ZSWIM4: variants seen among roughly 807,000 people sequenced by gnomAD.
ZSWIM4 encodes zinc finger SWIM domain-containing protein 4.
Under a neutral mutation model 102.5 loss-of-function variants are expected in ZSWIM4, and 62 were observed. The observed-to-expected ratio is 0.60, with a 90% CI of 0.49 to 0.75. ZSWIM4 has a LOEUF of 0.75. ZSWIM4 is among the 30% of genes least tolerant of loss of function. ZSWIM4 has a pLI of 0.00. For synonymous variants in ZSWIM4, 652 were observed against 674.5 expected, an observed-to-expected ratio of 0.97 and a Z score of 0.52; for missense variants, 1,280 against 1,529.6, an observed-to-expected ratio of 0.84 and a Z score of 2.72.
intron 5 of ZSWIM4, among the ~76,000 whole-genome samples, chr19:13,812,478 A>G (rs1256864367): frequency 3.7e-5 from 4 of 107,658 alleles, no homozygotes; most frequent in East Asian, 2.6e-4. Context: ...TTTTTTTTTG[A>G]GATGGAGTTT....
chr19:13,796,143 C>T (rs1384171608), intron 1 of ZSWIM4, among the ~76,000 whole-genome samples: 2 of 151,172 alleles, frequency 1.3e-5, no homozygotes, highest in African/African-American at 2.4e-5. Flanking sequence ...TCTTTTCCCG[C>T]CTTATCCCCC....
At chr19:13,828,304 G>A (rs1975665032) in intron 12 of ZSWIM4, among the ~76,000 whole-genome samples, 2 of 151,970 alleles carry the variant, frequency 1.3e-5, no homozygotes, top group Non-Finnish European at 2.9e-5. Context: ...AGCTACTTGG[G>A]AGCCTGAGGC....
rs757317271 is a variant in ZSWIM4 at position 13,825,668 on chromosome 19, A to G, written c.2334A>G (p.Pro778=). 1.2e-6 allele frequency: 2 copies of G among 1,612,998 alleles called. No homozygotes were observed. The highest frequency in any genetic ancestry group is 1.7e-6 in the Non-Finnish European group (2 of 1,179,992). Residue 778 remains proline (P), a synonymous_variant, in exon 12 of 14, where the codon CCA becomes CCG. Transcript: ENST00000590508. The surrounding 1 kb of genome is among the most constrained non-coding windows in gnomAD (Gnocchi z 4.6). Reference sequence around the variant, plus strand: ...AGACAGCCACCCCGGTCAGCGCCCCACCAGACACCACGCTGCTGGGCATCG... The same window carrying G: ...AGACAGCCACCCCGGTCAGCGCCCCGCCAGACACCACGCTGCTGGGCATCG... The part of the protein sequence containing the change: ...ACKTATPVSA[P]PDTTLLGIAL...
chr19:13,814,765 C>T lies in ZSWIM4; in HGVS notation c.1431C>T (p.His477=), dbSNP rs532146553. The T allele has an allele frequency of 7.8e-6, 10 of 1,287,098 alleles. No homozygotes were observed. Among genetic ancestry groups the T allele is most frequent in the African/African-American group, 1.5e-5 (1 of 65,816 alleles). 79.7% of individuals were successfully genotyped at this position (1,287,098 alleles called of 1,614,324 possible). ...CCCGTGTGGACACCCTGCGTGCCCA[C>T]GGATACCCCCGCCAGGCCCTGCGGC... ...ACARVDTLRA[H]GYPRQALRLA... Residue 477 remains histidine (H), a synonymous_variant, in exon 7 of 14, where the codon CAC becomes CAT. Coordinates refer to ENST00000590508, the MANE Select transcript of ZSWIM4 (RefSeq NM_001367834.3).
At chr19:13,795,992 A>G (rs1974602029) in intron 1 of ZSWIM4, among the ~76,000 whole-genome samples, 191 bp downstream of exon 1, 1 of 126,114 alleles carries the variant, frequency 7.9e-6, no homozygotes, top group Non-Finnish European at 1.6e-5. Flanking sequence ...CTTCAAACCC[A>G]GTAACCCACC....
intron 10 of ZSWIM4, among the ~76,000 whole-genome samples, chr19:13,821,021 T>C (rs1372445332): frequency 6.6e-6 from 1 of 152,016 alleles, no homozygotes; most frequent in Non-Finnish European, 1.5e-5. Context: ...TGGTGGCTCA[T>C]GCCTGTAATC....
rs1421408618 is a variant in ZSWIM4, at chr19:13,830,369, G to T, written c.2640G>T (p.Ala880=). The T allele has an allele frequency of 2.5e-6, 4 of 1,612,948 alleles. No homozygotes were observed. Among genetic ancestry groups the T allele is most frequent in the Non-Finnish European group, 2.5e-6 (3 of 1,180,000 alleles). ...ACARTLALQC[A]MKDPQNCALP... Reference sequence around the variant, plus strand: ...CCCGCACCCTGGCCTTGCAGTGCGCGATGAAGGACCCTCAGAACTGCGCCT... The same window carrying T: ...CCCGCACCCTGGCCTTGCAGTGCGCTATGAAGGACCCTCAGAACTGCGCCT... The change falls in exon 14 of 14, where the codon GCG becomes GCT. Residue 880 remains alanine, a synonymous_variant. Coordinates refer to ENST00000590508, the MANE Select transcript of ZSWIM4 (RefSeq NM_001367834.3).
chr19:13,807,746 GATGGATGC>G lies in ZSWIM4; in HGVS notation c.713-1082_713-1075del, dbSNP rs1340356162. 1.6e-4 allele frequency among the ~76,000 whole-genome samples: 22 copies of G among 140,138 alleles called. No homozygotes were observed. The South Asian group carries it at 1.8e-3, about 12-fold the overall frequency. 91.9% of individuals were successfully genotyped at this position (140,138 alleles called of 152,430 possible). ...GGATGGATGGACAGATGGATGCATGGATGGATGCATGGATGGATGGATGGATGGATGGA... is the reference window on the plus strand; with the variant it reads ...GGATGGATGGACAGATGGATGCATGGATGGATGGATGGATGGATGGATGGA... On this transcript the variant is annotated intron_variant, in intron 3 of 13. Transcript: ENST00000590508.
chr19:13,829,873 C>T (rs1041955385), intron 13 of ZSWIM4, among the ~76,000 whole-genome samples: 2 of 152,016 alleles, frequency 1.3e-5, no homozygotes. Context: ...GACTCTTCTC[C>T]GATTCCAGCC....
At position 13,799,759 on chromosome 19, in the gene ZSWIM4, A is replaced by G; in HGVS notation, c.193A>G (p.Lys65Glu). Residue 65 changes from lysine (K) to glutamate (E), a missense_variant, in exon 2 of 14, where the codon AAG becomes GAG. Lys to Glu is a moderately conservative substitution (Grantham distance 56). Coordinates refer to ENST00000590508, the MANE Select transcript of ZSWIM4 (RefSeq NM_001367834.3). ...RFSRVPEPVQKRIVFWSFPRS... is the reference protein window; with the variant it reads ...RFSRVPEPVQERIVFWSFPRS... ...CTCCCGGGTGCCTGAGCCCGTCCAG[A>G]AGCGCATCGTGTTTTGGTCGTTTCC... 6.2e-7 allele frequency: 1 copy of G among 1,613,970 alleles called. No homozygotes were observed. The highest frequency in any genetic ancestry group is 8.5e-7 in the Non-Finnish European group (1 of 1,179,992).
At chr19:13,796,601 C>G (rs1568323348) in intron 1 of ZSWIM4, 2 of 152,488 alleles carry the variant, frequency 1.3e-5, no homozygotes, top group Non-Finnish European at 2.9e-5. Context: ...CCTCATCCCC[C>G]TGACCTATCC....
chr19:13,821,874 C>G (rs949412867), intron 10 of ZSWIM4, among the ~76,000 whole-genome samples: 2 of 152,018 alleles, frequency 1.3e-5, no homozygotes, highest in African/African-American at 2.4e-5. Flanking sequence ...GTAGCTGGGA[C>G]TACAGTCACC....
Position 13,815,456 on chromosome 19 carries a change from A to ATTTTTTTTTTTTTTTTTTTT in ZSWIM4, c.1531+604_1531+623dup, listed in dbSNP as rs758486796. 3.4e-5 allele frequency: 2 copies of ATTTTTTTTTTTTTTTTTTTT among 58,160 alleles called. 1 individual carries two copies. Among genetic ancestry groups the ATTTTTTTTTTTTTTTTTTTT allele is most frequent in the African/African-American group, 1.6e-4 (2 of 12,706 alleles). The allele number at this position is 58,160 out of a possible 1,614,324, so 3.6% of individuals were successfully genotyped here. On this transcript the variant is annotated intron_variant, in intron 7 of 13. Transcript: ENST00000590508. ...CAGGCTTGAGCCACCGTGCCTGGAA[A>ATTTTTTTTTTTTTTTTTTTT]TTTTTTTTTTTTTTTTTTTTTTTTT...
chr19:13,804,839 C>A lies in ZSWIM4; in HGVS notation c.403C>A (p.Pro135Thr). The A allele has an allele frequency of 6.2e-7, 1 of 1,608,854 alleles. No individual in the cohort carries two copies. The highest frequency in any genetic ancestry group is 1.1e-5 in the South Asian group (1 of 90,820). The change falls in exon 3 of 14, where the codon CCC (proline) becomes ACC (threonine). Residue 135 changes from proline (P) to threonine (T), a missense_variant. By Grantham distance (38) the Pro-to-Thr change is conservative. Coordinates refer to ENST00000590508, the MANE Select transcript of ZSWIM4 (RefSeq NM_001367834.3). ...NIREPGSPGEPERLYHVSISF... is the reference protein window; with the variant it reads ...NIREPGSPGETERLYHVSISF... ...CCGCGAGCCAGGGAGTCCTGGAGAGCCCGAGCGCCTCTACCATGTCTCCAT... is the reference window on the plus strand; with the variant it reads ...CCGCGAGCCAGGGAGTCCTGGAGAGACCGAGCGCCTCTACCATGTCTCCAT...
Position 13,799,925 on chromosome 19 carries a change from A to G in ZSWIM4, c.355+4A>G. On this transcript the variant is annotated splice_donor_region_variant and intron_variant, in intron 2 of 13. Transcript: ENST00000590508. ...GTGGACCGCGTGTTGCAAGTGGGTGAGTCTTTGTCCCCCACTCCTGCTGGG... is the reference window on the plus strand; with the variant it reads ...GTGGACCGCGTGTTGCAAGTGGGTGGGTCTTTGTCCCCCACTCCTGCTGGG... 1 of 1,608,078 alleles carries G rather than the reference A, an allele frequency of 6.2e-7. No homozygotes were observed. The highest frequency in any genetic ancestry group is 1.3e-5 in the African/African-American group (1 of 74,992).
Position 13,817,806 on chromosome 19 carries a change from T to A in ZSWIM4, c.1754T>A (p.Leu585Gln). ...GGGGAGTCCTACTTGGTGCTGGCGC[T>A]GGAGGTGGCACTGCTGGGGCTGGGG... ...SPGESYLVLALEVALLGLGQQ... is the reference protein window; with the variant it reads ...SPGESYLVLAQEVALLGLGQQ... The change falls in exon 9 of 14, where the codon CTG (leucine) becomes CAG (glutamine). Residue 585 changes from leucine (L) to glutamine (Q), a missense_variant. Physicochemically the swap from Leu to Gln is moderately radical, Grantham distance 113. Coordinates refer to ENST00000590508, the MANE Select transcript of ZSWIM4 (RefSeq NM_001367834.3). 6.3e-7 allele frequency: 1 copy of A among 1,587,134 alleles called. No individual in the cohort carries two copies. Among genetic ancestry groups the A allele is most frequent in the Non-Finnish European group, 8.6e-7 (1 of 1,168,146 alleles).
chr19:13,818,353 G>C (rs957490306), intron 9 of ZSWIM4, among the ~76,000 whole-genome samples: 6 of 152,152 alleles, frequency 3.9e-5, no homozygotes, highest in Non-Finnish European at 7.3e-5. Flanking sequence ...CTATTGACCT[G>C]TGTGTTGTGA....
chr19:13,820,053 C>A (rs1975421799), intron 10 of ZSWIM4, among the ~76,000 whole-genome samples: 1 of 151,884 alleles, frequency 6.6e-6, no homozygotes. Context: ...GACGGGGTTT[C>A]ACCGTGTTAG....
Position 13,814,573 on chromosome 19 carries a change from C to T in ZSWIM4, c.1239C>T (p.Arg413=), listed in dbSNP as rs751625621. ...GTCCCCGCCACACGGTATTTGGCCG[C>T]GCCTTGCTGGCTGGAGAGCTACACT... ...ATSPRHTVFG[R]ALLAGELHWN... is the part of the protein sequence containing the mutation. The change falls in exon 7 of 14, where the codon CGC becomes CGT. Residue 413 remains arginine, a synonymous_variant. Coordinates refer to ENST00000590508, the MANE Select transcript of ZSWIM4 (RefSeq NM_001367834.3). 9 of 1,182,618 alleles carry T rather than the reference C, an allele frequency of 7.6e-6. No individual in the cohort carries two copies. Among genetic ancestry groups the T allele is most frequent in the South Asian group, 7.6e-5 (5 of 65,912 alleles). 73.3% of individuals were successfully genotyped at this position (1,182,618 alleles called of 1,614,324 possible).
Sources: gnomAD v4.1 joint callset for allele counts (sites outside exome capture counted in the v4.1 genomes callset) on GRCh38, gnomAD v4.1.1 for gene constraint, Gnocchi (gnomAD v3.1) non-coding constraint, MANE v1.5 for transcripts, NCBI Gene and HGNC (gene_info 2026-07-23, HGNC 2026-07-21) for gene names.